AHNAK: variants seen among roughly 807,000 people sequenced by gnomAD.
AHNAK encodes the protein neuroblast differentiation-associated protein AHNAK.
A neutral mutation model predicts 37.8 loss-of-function variants in AHNAK; 23 were observed. The ratio of observed to expected loss-of-function variants is 0.61; its 90% confidence interval spans 0.44 to 0.86. AHNAK has a LOEUF of 0.86. AHNAK is among the 40% of genes least tolerant of loss of function. The probability of loss-of-function intolerance (pLI) is 0.00; values close to 1 mark genes in which losing one functional copy is unlikely to be tolerated. For missense variants in AHNAK, 7,411 were observed against 7,319.4 expected (o/e 1.01, Z -0.46); for synonymous variants, 2,481 against 2,636.3 (o/e 0.94, Z 1.80).
chr11:62,538,310 G>A (rs978332293), intron 1 of AHNAK, among the ~76,000 whole-genome samples: 8 of 152,170 alleles, frequency 5.3e-5, no homozygotes, highest in Non-Finnish European at 8.8e-5. Context: ...ACCAGGCCCT[G>A]AGCCAGGCCC....
In AHNAK at chr11:62,521,395, G is replaced by A. The variant is rs761566997; in HGVS notation, c.13022C>T (p.Pro4341Leu). The stretch of plus-strand genomic sequence containing the variant: ...GCCAGAAATCTCAATGTCAGCCTTA[G>A]GAAGGGTAACATCCACATCTGGGCC... ...GEGPDVDVTL[P>L]KADIEISGPK... Residue 4341 changes from proline (P) to leucine (L), a missense_variant, in exon 5 of 5, where the codon CCT becomes CTT. By Grantham distance (98) the Pro-to-Leu change is moderately conservative (BLOSUM62 -3). Transcript: ENST00000378024. The A allele has an allele frequency of 9.3e-6, 15 of 1,613,608 alleles. No homozygotes were observed. The South Asian group carries it at 1.5e-4, about 17-fold the overall frequency.
chr11:62,526,413 A>T lies in AHNAK; in HGVS notation c.8004T>A (p.Asp2668Glu), dbSNP rs1330954736. 3 of 1,607,460 alleles carry T rather than the reference A, an allele frequency of 1.9e-6. No individual in the cohort carries two copies. Residue 2668 changes from aspartate to glutamate, a missense_variant, in exon 5 of 5, where the codon GAT (aspartate) becomes GAA (glutamate). Coordinates refer to ENST00000378024, the MANE Select transcript of AHNAK (RefSeq NM_001620.3). ...CAATGTCCACTTTGGGTCCTGAGAC[A>T]TCAATGTCAGCCTTGGGCAGCTTCA... is the stretch of plus-strand genomic sequence containing the variant. ...GDVKLPKADI[D>E]VSGPKVDIEG... is the part of the protein sequence containing the mutation.
chr11:62,435,218 C>A (rs1938134706), intron 5 of AHNAK, among the ~76,000 whole-genome samples: 2 of 152,154 alleles, frequency 1.3e-5, no homozygotes, highest in Non-Finnish European at 2.9e-5. Context: ...TCAAAATGCC[C>A]CCCTTTCCTT....
In AHNAK at chr11:62,520,974, T is replaced by C. The variant is rs1488095357; in HGVS notation, c.13443A>G (p.Leu4481=). 6 of 1,613,940 alleles carry C rather than the reference T, an allele frequency of 3.7e-6. No individual in the cohort carries two copies. The highest frequency in any genetic ancestry group is 4.5e-5 in the East Asian group (2 of 44,844). Residue 4481 remains leucine (L), a synonymous_variant, in exon 5 of 5, where the codon CTA becomes CTG. Transcript: ENST00000378024. ...PKVKGDVDVS[L]PKVESDLKGP... is the part of the protein sequence containing the mutation. Reference sequence around the variant, plus strand: ...CTTTCAGATCACTTTCCACCTTAGGTAGTGAAACATCCACATCACCCTTCA... The same window carrying C: ...CTTTCAGATCACTTTCCACCTTAGGCAGTGAAACATCCACATCACCCTTCA...
intron 5 of AHNAK, among the ~76,000 whole-genome samples, chr11:62,482,554 G>A (rs770559854): frequency 2.0e-5 from 3 of 152,112 alleles, no homozygotes; most frequent in Non-Finnish European, 2.9e-5. Flanking sequence ...CTGCCAAATC[G>A]GGATATAATT....
At chr11:62,536,955 ATTTATTTTT>A (rs1317723412) in intron 1 of AHNAK, among the ~76,000 whole-genome samples, 3 of 148,534 alleles carry the variant, frequency 2.0e-5, no homozygotes, top group Non-Finnish European at 4.4e-5. Context: ...TATTTATTTT[ATTTATTTTT>A]TTTTTTTTGA....
chr11:62,545,587 A>C (rs1399771355), intron 1 of AHNAK: 1 of 152,386 alleles, frequency 6.6e-6, no homozygotes, highest in Non-Finnish European at 1.5e-5. Context: ...TGCCTTTCCA[A>C]CTCTAGGCGA....
Position 62,485,749 on chromosome 11 carries a change from C to T in AHNAK, c.442+5983G>A, listed in dbSNP as rs544684364. On this transcript the variant is annotated intron_variant, in intron 5 of 5. Coordinates refer to the AHNAK transcript ENST00000257247. ...AATAACAGAAGGCCGGGAGTGGTGG[C>T]TCATGCCTGTAATCTCAGCATTTTG... Among the ~76,000 whole-genome samples, 1,089 of 147,510 alleles carry T rather than the reference C, an allele frequency of 7.4e-3. 13 individuals are homozygous for T. The highest frequency in any genetic ancestry group is 0.015 in the Middle Eastern group (4 of 270).
intron 5 of AHNAK, among the ~76,000 whole-genome samples, chr11:62,483,732 A>C (rs1363367768): frequency 6.6e-6 from 1 of 151,836 alleles, no homozygotes; most frequent in Non-Finnish European, 1.5e-5. Context: ...GGTGGCTGGC[A>C]CCTGTAGTCC....
Position 62,525,229 on chromosome 11 carries a change from G to A in AHNAK, c.9188C>T (p.Pro3063Leu). The change falls in exon 5 of 5, where the codon CCA becomes CTA. Residue 3063 changes from proline (P) to leucine (L), a missense_variant. Pro to Leu is a moderately conservative substitution (Grantham distance 98). Coordinates refer to ENST00000378024, the MANE Select transcript of AHNAK (RefSeq NM_001620.3). ...VSGPKVDIDV[P>L]DVNIEGPEGK... ...CTCTGGGCCTTCGATATTCACATCT[G>A]GAACATCAATGTCCACCTTGGGTCC... 1.9e-6 allele frequency: 3 copies of A among 1,611,032 alleles called. No individual in the cohort carries two copies. Among genetic ancestry groups the A allele is most frequent in the Non-Finnish European group, 2.5e-6 (3 of 1,179,286 alleles).
Position 62,527,056 on chromosome 11 carries a change from G to C in AHNAK, c.7361C>G (p.Ser2454Cys). The change falls in exon 5 of 5, where the codon TCT becomes TGT. Residue 2454 changes from serine (S) to cysteine (C), a missense_variant. Ser to Cys is a moderately radical substitution (Grantham distance 112). Transcript: ENST00000378024. The stretch of plus-strand genomic sequence containing the variant: ...GAGATTTAGATCAACATCAGGCATA[G>C]AAATATTGGGGGCTTTGAAATGCAT... The part of the protein sequence containing the change: ...PDMHFKAPNI[S>C]MPDVDLNLKG... 4 of 1,614,162 alleles carry C rather than the reference G, an allele frequency of 2.5e-6. No individual in the cohort carries two copies. Among genetic ancestry groups the C allele is most frequent in the Non-Finnish European group, 3.4e-6 (4 of 1,180,036 alleles).
At chr11:62,491,486 C>T (rs1939503608) in intron 5 of AHNAK, among the ~76,000 whole-genome samples, 1 of 152,154 alleles carries the variant, frequency 6.6e-6, no homozygotes, top group Admixed American at 6.6e-5. Context: ...GCTTGAGACT[C>T]CTTCTGAAGG....
chr11:62,495,621 C>T (rs914920683), intron 4 of AHNAK, among the ~76,000 whole-genome samples: 23 of 151,136 alleles, frequency 1.5e-4, no homozygotes, highest in Non-Finnish European at 2.7e-4. Context: ...CACCTGTAGT[C>T]CCAGCTACTT....
chr11:62,475,606 T>TG (rs1198047724), intron 5 of AHNAK, among the ~76,000 whole-genome samples: 3 of 54,778 alleles, frequency 5.5e-5, no homozygotes, highest in African/African-American at 1.3e-4. Context: ...GTTATACTTT[T>TG]TTTTTTTTTT....
At chr11:62,492,527 G>T (rs1177042664) in intron 4 of AHNAK, among the ~76,000 whole-genome samples, 6 of 152,044 alleles carry the variant, frequency 3.9e-5, no homozygotes, top group Admixed American at 3.9e-4. Context: ...TGTTTTCAAC[G>T]GGTTACTCTT....
At chr11:62,484,938 C>T (rs1240910753) in intron 5 of AHNAK, among the ~76,000 whole-genome samples, 6 of 152,044 alleles carry the variant, frequency 3.9e-5, no homozygotes, top group East Asian at 1.9e-4. Flanking sequence ...TACAGGCACG[C>T]GCCACCACAC....
At chr11:62,459,131 C>A (rs1361394093) in intron 5 of AHNAK, among the ~76,000 whole-genome samples, 2 of 152,274 alleles carry the variant, frequency 1.3e-5, no homozygotes, top group Admixed American at 6.5e-5. Flanking sequence ...CAGGGGTTCC[C>A]AAGCTCACAG....
chr11:62,536,015 C>T lies in AHNAK; in HGVS notation c.84G>A (p.Arg28=), dbSNP rs762918195. ...SGSHGLTIAQ[R]DDGVFVQEVT... is the part of the protein sequence containing the mutation. ...CCTCCTGCACAAAGACGCCGTCGTCCCTCTGGGCGATGGTCAGCCCGTGGG... is the reference window on the plus strand; with the variant it reads ...CCTCCTGCACAAAGACGCCGTCGTCTCTCTGGGCGATGGTCAGCCCGTGGG... Residue 28 remains arginine, a synonymous_variant, in exon 3 of 5, where the codon AGG becomes AGA. Coordinates refer to ENST00000378024, the MANE Select transcript of AHNAK (RefSeq NM_001620.3). 1 of 1,612,946 alleles carries T rather than the reference C, an allele frequency of 6.2e-7. No homozygotes were observed. The highest frequency in any genetic ancestry group is 1.7e-4 in the Middle Eastern group (1 of 6,058).
At chr11:62,461,141 C>T (rs1281609234) in intron 5 of AHNAK, among the ~76,000 whole-genome samples, 1 of 84,572 alleles carries the variant, frequency 1.2e-5, no homozygotes, top group East Asian at 3.7e-4. Flanking sequence ...GGCCAAATTC[C>T]CCTTTTTTTT....
Sources: allele counts gnomAD v4.1 joint callset (sites outside exome capture counted in the v4.1 genomes callset), GRCh38; gene constraint gnomAD v4.1.1; transcripts MANE v1.5; gene names NCBI Gene and HGNC (gene_info 2026-07-23, HGNC 2026-07-21).